CPA6: variants seen among roughly 807,000 people sequenced by gnomAD.
The protein encoded by CPA6 is carboxypeptidase B.
Under a neutral mutation model 63.3 loss-of-function variants are expected in CPA6, and 58 were observed. The ratio of observed to expected loss-of-function variants is 0.92; its 90% CI spans 0.74 to 1.14. The LOEUF (loss-of-function observed/expected upper bound fraction) is 1.14. Among genes scored for constraint, CPA6 ranks in the 50% most tolerant of loss-of-function variants. CPA6 has a pLI of 0.00. For synonymous variants in CPA6, 185 were observed against 179.0 expected (o/e 1.03, Z -0.27); for missense variants, 565 against 526.6 (o/e 1.07, Z -0.71).
chr8:67,428,219 A>G (rs1424809653), intron 9 of CPA6, 88 bp from the exon 10 acceptor site: 8 of 701,038 alleles, frequency 1.1e-5, no homozygotes, highest in Admixed American at 7.4e-5. Flanking sequence ...ATCGATCATC[A>G]CCAGATGGCT....
At chr8:67,644,661 T>C (rs1197370209) in intron 1 of CPA6, among the ~76,000 whole-genome samples, 1 of 152,172 alleles carries the variant, frequency 6.6e-6, no homozygotes, top group Non-Finnish European at 1.5e-5. Flanking sequence ...ACTTTTAGGA[T>C]TTGGGAGTAG....
intron 2 of CPA6, among the ~76,000 whole-genome samples, chr8:67,621,672 A>G (rs897029530): frequency 6.6e-6 from 1 of 152,220 alleles, no homozygotes; most frequent in African/African-American, 2.4e-5. Flanking sequence ...ATTGTGGCTG[A>G]GAGGAGCTGG....
At chr8:67,541,966 G>GA (rs1388209655) in intron 2 of CPA6, among the ~76,000 whole-genome samples, 1 of 152,238 alleles carries the variant, frequency 6.6e-6, no homozygotes, top group African/African-American at 2.4e-5. Context: ...GGGTTGATCT[G>GA]AAAAATATCT....
intron 2 of CPA6, among the ~76,000 whole-genome samples, chr8:67,574,257 T>TC (rs1813565295): frequency 6.6e-6 from 1 of 151,208 alleles, no homozygotes; most frequent in East Asian, 2.0e-4. Context: ...ACGAGAGTAA[T>TC]CCCAGCTACT....
chr8:67,629,999 G>A (rs1815287092), intron 1 of CPA6, among the ~76,000 whole-genome samples: 2 of 151,950 alleles, frequency 1.3e-5, no homozygotes, highest in South Asian at 4.2e-4. Context: ...CAGCTACTCG[G>A]GAGGCTGAGG....
At chr8:67,441,070 A>C (rs1810284369) in intron 8 of CPA6, among the ~76,000 whole-genome samples, 1 of 152,210 alleles carries the variant, frequency 6.6e-6, no homozygotes, top group Non-Finnish European at 1.5e-5. Flanking sequence ...AGTTTTGAGG[A>C]ATTATCCTAT....
At chr8:67,662,423 A>C (rs1816131227) in intron 1 of CPA6, among the ~76,000 whole-genome samples, 1 of 147,964 alleles carries the variant, frequency 6.8e-6, no homozygotes, top group Non-Finnish European at 1.5e-5. Context: ...ATATGTATAT[A>C]TAGAATACAT....
At chr8:67,706,165 A>G (rs1817130175) in intron 1 of CPA6, among the ~76,000 whole-genome samples, 1 of 152,228 alleles carries the variant, frequency 6.6e-6, no homozygotes, top group Non-Finnish European at 1.5e-5. Context: ...GGCCTACTAA[A>G]TGCTTCATAA....
At chr8:67,452,472 G>C (rs959108098) in intron 8 of CPA6, 5 of 152,058 alleles carry the variant, frequency 3.3e-5, no homozygotes, top group African/African-American at 4.8e-5. Flanking sequence ...TCTGCTCTTA[G>C]CCATGTTCTT....
chr8:67,737,817 A>G (rs1348948677), intron 1 of CPA6, among the ~76,000 whole-genome samples: 1 of 152,230 alleles, frequency 6.6e-6, no homozygotes, highest in African/African-American at 2.4e-5. Flanking sequence ...TTCTGGAGTC[A>G]CCAAAAGTGG....
chr8:67,614,156 A>G (rs1250255674), intron 2 of CPA6, among the ~76,000 whole-genome samples: 5 of 152,200 alleles, frequency 3.3e-5, no homozygotes, highest in Non-Finnish European at 7.3e-5. Flanking sequence ...CAGATGGCAA[A>G]GCTGAAAGAG....
At chr8:67,607,136 C>CT (rs1256803021) in intron 2 of CPA6, among the ~76,000 whole-genome samples, 3 of 63,926 alleles carry the variant, frequency 4.7e-5, no homozygotes, top group African/African-American at 1.2e-4. Flanking sequence ...CCTCCTCCTC[C>CT]CCCTCCTCCC....
At position 67,475,828 on chromosome 8, in the gene CPA6, TTTCTTTC is replaced by T. The variant is rs1563967616; in HGVS notation, c.838+7933_838+7939del. Among the ~76,000 whole-genome samples, 91 of 52,602 alleles carry T rather than the reference TTTCTTTC, an allele frequency of 1.7e-3. 6 individuals are homozygous for T. The highest frequency in any genetic ancestry group is 4.4e-3 in the African/African-American group (55 of 12,396). 34.5% of individuals were successfully genotyped at this position (52,602 alleles called of 152,430 possible). A position where few individuals can be genotyped will look rare whatever the true frequency, so the allele number is the denominator to read the frequency against. On this transcript the variant is annotated intron_variant, in intron 8 of 10. Coordinates refer to ENST00000297770, the MANE Select transcript of CPA6 (RefSeq NM_020361.5). ...TTCTTTCTTTCTTTCCTTTCTTTTC[TTTCTTTC>T]TTTCTTTCTTTCTTTCTTTCTTTCT...
chr8:67,475,668 T>G (rs1362712211), intron 8 of CPA6, among the ~76,000 whole-genome samples: 1 of 152,174 alleles, frequency 6.6e-6, no homozygotes, highest in Non-Finnish European at 1.5e-5. Context: ...GACACACACC[T>G]GGCAGTCTCA....
At chr8:67,668,844 T>C (rs1271760521) in intron 1 of CPA6, among the ~76,000 whole-genome samples, 6 of 152,048 alleles carry the variant, frequency 3.9e-5, no homozygotes, top group Non-Finnish European at 7.4e-5. Context: ...GTACATGGAG[T>C]ACCATGACAG....
At chr8:67,681,524 T>C (rs531389225) in intron 1 of CPA6, among the ~76,000 whole-genome samples, 224 of 152,356 alleles carry the variant, frequency 1.5e-3, no homozygotes, top group African/African-American at 5.3e-3. Context: ...TTTTCTTTAA[T>C]GTTGTCTAGA....
intron 1 of CPA6, among the ~76,000 whole-genome samples, chr8:67,658,101 C>G (rs548349258): frequency 5.3e-5 from 8 of 152,222 alleles, no homozygotes; most frequent in Admixed American, 5.2e-4. Flanking sequence ...CCTCCTACAG[C>G]GAATACTCTT....
intron 8 of CPA6, among the ~76,000 whole-genome samples, chr8:67,457,144 C>A (rs1208236136): frequency 6.6e-6 from 1 of 152,180 alleles, no homozygotes; most frequent in Non-Finnish European, 1.5e-5. Flanking sequence ...AGCAATGGGG[C>A]ACAAATAAGC....
chr8:67,477,497 T>C (rs1226920602), intron 8 of CPA6, among the ~76,000 whole-genome samples: 1 of 152,130 alleles, frequency 6.6e-6, no homozygotes, highest in Non-Finnish European at 1.5e-5. Flanking sequence ...CCCAGATAAT[T>C]TCTTAGGAGT....
Sources: gnomAD v4.1 joint callset for allele counts (sites outside exome capture counted in the v4.1 genomes callset) on GRCh38, gnomAD v4.1.1 for gene constraint, MANE v1.5 for transcripts, NCBI Gene and HGNC (gene_info 2026-07-23, HGNC 2026-07-21) for gene names.